The following PIEZO2 variants were observed in gnomAD, a reference collection of about 807,000 sequenced individuals.
PIEZO2 encodes piezo-type mechanosensitive ion channel component 2.
A neutral mutation model predicts 337.3 loss-of-function variants in PIEZO2; 172 were observed. That is an observed-to-expected ratio of 0.51 (90% CI 0.45 to 0.58). The LOEUF (loss-of-function observed/expected upper bound fraction) is 0.58, where lower values mean the gene tolerates loss of function less well. Among genes scored for constraint, PIEZO2 ranks in the 20% least tolerant of loss-of-function variants. The pLI, the probability that PIEZO2 is intolerant of heterozygous loss-of-function variation, is 0.00. For synonymous variants in PIEZO2, 1,251 were observed against 1,228.5 expected (o/e 1.02, Z -0.38); for missense variants, 3,028 against 3,391.3 (o/e 0.89, Z 2.66).
chr18:10,734,303 A>G (rs2036907358), intron 35 of PIEZO2, among the ~76,000 whole-genome samples: 2 of 152,218 alleles, frequency 1.3e-5, no homozygotes, highest in South Asian at 4.1e-4. Flanking sequence ...AAGCAGAAGG[A>G]ACCTGGAGGT....
In PIEZO2 at chr18:10,870,829, A is replaced by T. The variant is rs1482982345; in HGVS notation, c.492+424T>A. 6.6e-6 allele frequency among the ~76,000 whole-genome samples: 1 copy of T among 152,238 alleles called. No homozygotes were observed. On this transcript the variant is annotated intron_variant, in intron 5 of 55. Transcript: ENST00000674853. This position sits in a 1 kb window ranked among gnomAD's most constrained non-coding sequence, Gnocchi z 5.3. ...GTCCACTGAGCAGGACAAGGTGCACAGACTGGAAAGCTGCCCTGCAAGGAG... is the reference window on the plus strand; with the variant it reads ...GTCCACTGAGCAGGACAAGGTGCACTGACTGGAAAGCTGCCCTGCAAGGAG...
intron 1 of PIEZO2, among the ~76,000 whole-genome samples, chr18:11,068,250 G>A (rs1418015815): frequency 6.6e-6 from 1 of 152,112 alleles, no homozygotes; most frequent in Non-Finnish European, 1.5e-5. Flanking sequence ...CACACATGGA[G>A]GATTCTCAGA....
At chr18:10,989,876 T>C (rs2035023249) in intron 2 of PIEZO2, among the ~76,000 whole-genome samples, 1 of 152,210 alleles carries the variant, frequency 6.6e-6, no homozygotes, top group Admixed American at 6.5e-5. Context: ...GTGAAATTGA[T>C]ACAGCCTTTC....
At chr18:11,138,229 G>A (rs904317576) in intron 1 of PIEZO2, among the ~76,000 whole-genome samples, 1 of 152,162 alleles carries the variant, frequency 6.6e-6, no homozygotes, top group Non-Finnish European at 1.5e-5. Flanking sequence ...ATGATCAGAG[G>A]TTATGTTCAC....
In PIEZO2 at chr18:11,027,743, C is replaced by G. The variant is rs2036585823; in HGVS notation, c.160+38384G>C. Reference sequence around the variant, plus strand: ...ATCATTAGCATTAACTGAAAATAGCCATTCACTCTAACTCCAGGATTCATA... The same window carrying G: ...ATCATTAGCATTAACTGAAAATAGCGATTCACTCTAACTCCAGGATTCATA... On this transcript the variant is annotated intron_variant, in intron 2 of 55. Coordinates refer to ENST00000674853, the MANE Select transcript of PIEZO2 (RefSeq NM_001378183.1). This position sits in a 1 kb window ranked among gnomAD's most constrained non-coding sequence, Gnocchi z 4.2. 6.6e-6 allele frequency among the ~76,000 whole-genome samples: 1 copy of G among 152,098 alleles called. No individual in the cohort carries two copies. Among genetic ancestry groups the G allele is most frequent in the Admixed American group, 6.6e-5 (1 of 15,266 alleles).
At chr18:11,122,107 C>T (rs1483371066) in intron 1 of PIEZO2, among the ~76,000 whole-genome samples, 2 of 152,188 alleles carry the variant, frequency 1.3e-5, no homozygotes, top group East Asian at 1.9e-4. Context: ...GCGCCTGCCA[C>T]CATGCCCAGC....
At chr18:11,114,860 G>A (rs1008401820) in intron 1 of PIEZO2, among the ~76,000 whole-genome samples, 58 of 152,156 alleles carry the variant, frequency 3.8e-4, no homozygotes, top group African/African-American at 1.1e-3. Context: ...CTCACTGGCC[G>A]TTTCTGAATG....
intron 36 of PIEZO2, among the ~76,000 whole-genome samples, chr18:10,730,831 G>A (rs529927477): frequency 1.3e-4 from 19 of 151,922 alleles, no homozygotes; most frequent in Admixed American, 2.6e-4. Flanking sequence ...GGTTCACGCC[G>A]TTCTCCTGCC....
chr18:10,698,413 C>T (rs1106780), intron 44 of PIEZO2, among the ~76,000 whole-genome samples: 81,369 of 151,768 alleles, frequency 0.54, 21,914 homozygotes, highest in African/African-American at 0.56. Flanking sequence ...AGGAGCCCCA[C>T]AGATACAAAA....
rs894001345 is a variant in PIEZO2 at position 11,131,134 on chromosome 18, G to A, written c.64+17391C>T. ...AGCTCTTGGCTGACACTGGACTTTG[G>A]TGGAAACTGAATGTTTGACTATCGG... On this transcript the variant is annotated intron_variant, in intron 1 of 55. Transcript: ENST00000674853. The surrounding 1 kb of genome is among the most constrained non-coding windows in gnomAD (Gnocchi z 5.3). Among the ~76,000 whole-genome samples, 4 of 152,202 alleles carry A rather than the reference G, an allele frequency of 2.6e-5. No individual in the cohort carries two copies. Among genetic ancestry groups the A allele is most frequent in the African/African-American group, 9.7e-5 (4 of 41,450 alleles).
At chr18:10,858,739 G>A (rs1488507765) in intron 5 of PIEZO2, among the ~76,000 whole-genome samples, 3 of 152,070 alleles carry the variant, frequency 2.0e-5, no homozygotes, top group Non-Finnish European at 2.9e-5. Flanking sequence ...TGCCCAGAAG[G>A]GTGCACACAG....
At chr18:10,706,362 C>G (rs1220121882) in intron 40 of PIEZO2, among the ~76,000 whole-genome samples, 2 of 152,184 alleles carry the variant, frequency 1.3e-5, no homozygotes, top group African/African-American at 4.8e-5. Context: ...TTCTGTGCAT[C>G]CCGTCTGCGG....
chr18:11,070,541 G>A lies in PIEZO2; in HGVS notation c.65-4319C>T, dbSNP rs926255355. Among the ~76,000 whole-genome samples the A allele has an allele frequency of 4.6e-5, 7 of 152,174 alleles. No homozygotes were observed. The highest frequency in any genetic ancestry group is 7.3e-5 in the Non-Finnish European group (5 of 68,040). ...AAAGAAAAAAGCAGCAGAAAAATTC[G>A]AGACGGATATGAGAAAAACCAGGAA... On this transcript the variant is annotated intron_variant, in intron 1 of 55. Transcript: ENST00000674853. This position sits in a 1 kb window ranked among gnomAD's most constrained non-coding sequence, Gnocchi z 4.3.
At chr18:10,916,476 G>T (rs1415858467) in intron 3 of PIEZO2, among the ~76,000 whole-genome samples, 1 of 152,152 alleles carries the variant, frequency 6.6e-6, no homozygotes, top group African/African-American at 2.4e-5. Flanking sequence ...TGGCGCTGGC[G>T]GCCCAGGAGT....
intron 1 of PIEZO2, among the ~76,000 whole-genome samples, chr18:11,147,247 G>A (rs2040832736): frequency 3.3e-5 from 5 of 152,164 alleles, no homozygotes; most frequent in Admixed American, 3.3e-4. Flanking sequence ...GCAAAGTAGA[G>A]AACGAGGCCA....
At chr18:10,737,249 T>C (rs2037035030) in intron 33 of PIEZO2, among the ~76,000 whole-genome samples, 1 of 133,478 alleles carries the variant, frequency 7.5e-6, no homozygotes, top group Admixed American at 7.6e-5. Flanking sequence ...TCTCCACATG[T>C]AACACAAGGG....
intron 7 of PIEZO2, among the ~76,000 whole-genome samples, chr18:10,816,230 A>G (rs1598524767): frequency 6.6e-6 from 1 of 152,242 alleles, no homozygotes; most frequent in South Asian, 2.1e-4. Flanking sequence ...GGTGAACCTA[A>G]TATCTGTAAT....
chr18:10,720,415 GTATGTATATATATATATATATA>G (rs2036253834), intron 36 of PIEZO2, among the ~76,000 whole-genome samples: 19 of 39,916 alleles, frequency 4.8e-4, no homozygotes, highest in South Asian at 1.0e-3. Context: ...ATGTGTATGT[GTATGTATATATATATATATATA>G]TATATATATA....
rs2041859672 is a variant in PIEZO2 at position 10,861,086 on chromosome 18, A to T, written c.493-3875T>A. On this transcript the variant is annotated intron_variant, in intron 5 of 55. Coordinates refer to ENST00000674853, the MANE Select transcript of PIEZO2 (RefSeq NM_001378183.1). The surrounding 1 kb of genome is among the most constrained non-coding windows in gnomAD (Gnocchi z 4.3). ...TTAACAGGCAGGCTTTTTCCCCCAA[A>T]GTGATTCTTCTGCTGATGTATAAAC... is the stretch of plus-strand genomic sequence containing the variant. 6.6e-6 allele frequency among the ~76,000 whole-genome samples: 1 copy of T among 152,182 alleles called. No homozygotes were observed. Among genetic ancestry groups the T allele is most frequent in the East Asian group, 1.9e-4 (1 of 5,192 alleles).
Sources: allele counts gnomAD v4.1 joint callset (sites outside exome capture counted in the v4.1 genomes callset), GRCh38; gene constraint gnomAD v4.1.1; non-coding constraint Gnocchi (gnomAD v3.1); transcripts MANE v1.5; gene names NCBI Gene and HGNC (gene_info 2026-07-23, HGNC 2026-07-21).